Variants in TINAGL1 observed in about 807,000 individuals in gnomAD.
TINAGL1 encodes tubulointerstitial nephritis antigen like 1.
In TINAGL1, 34 loss-of-function variants were observed where a neutral mutation model predicts 62.0. The observed-to-expected ratio is 0.55, with a 90% CI of 0.42 to 0.73. The LOEUF (loss-of-function observed/expected upper bound fraction) is 0.73. Among genes scored for constraint, TINAGL1 ranks in the 30% least tolerant of loss-of-function variants. TINAGL1 has a pLI of 0.00. For missense variants in TINAGL1, 516 were observed against 653.2 expected, an observed-to-expected ratio of 0.79 and a Z score of 2.29; for synonymous variants, 221 against 249.7, an observed-to-expected ratio of 0.88 and a Z score of 1.08.
At position 31,584,947 on chromosome 1, in the gene TINAGL1, C is replaced by T; in HGVS notation, c.768C>T (p.Pro256=). The T allele has an allele frequency of 3.1e-6, 5 of 1,612,174 alleles. No individual in the cohort carries two copies. Among genetic ancestry groups the T allele is most frequent in the South Asian group, 1.1e-5 (1 of 91,044 alleles). Residue 256 remains proline, a synonymous_variant, in exon 7 of 12, where the codon CCC becomes CCT. Coordinates refer to ENST00000271064, the MANE Select transcript of TINAGL1 (RefSeq NM_022164.3). This position sits in a 1 kb window ranked among gnomAD's most constrained non-coding sequence, Gnocchi z 4.0. ...GACACATGACGCCTGTCCTGTCGCC[C>T]CAGAACCTGCTGTCTTGTGACACCC... The part of the protein sequence containing the change: ...SLGHMTPVLS[P]QNLLSCDTHQ...
chr1:31,586,616 G>A, intron 10 of TINAGL1, 94 bp from the exon 11 acceptor site: 1 of 1,468,698 alleles, frequency 6.8e-7, no homozygotes, highest in Non-Finnish European at 9.3e-7. Flanking sequence ...CCCTCCAAAG[G>A]CAACTGGGGG....
In TINAGL1 at chr1:31,584,936, G is replaced by A; in HGVS notation, c.757G>A (p.Val253Ile). ...SIHSLGHMTPVLSPQNLLSCD... is the reference protein window; with the variant it reads ...SIHSLGHMTPILSPQNLLSCD... ...CCATTCTCTGGGACACATGACGCCTGTCCTGTCGCCCCAGAACCTGCTGTC... is the reference window on the plus strand; with the variant it reads ...CCATTCTCTGGGACACATGACGCCTATCCTGTCGCCCCAGAACCTGCTGTC... The change falls in exon 7 of 12, where the codon GTC (valine) becomes ATC (isoleucine). Residue 253 changes from valine (V) to isoleucine (I), a missense_variant. Physicochemically the swap from Val to Ile is conservative, Grantham distance 29. Coordinates refer to ENST00000271064, the MANE Select transcript of TINAGL1 (RefSeq NM_022164.3). The surrounding 1 kb of genome is among the most constrained non-coding windows in gnomAD (Gnocchi z 4.0). The A allele has an allele frequency of 6.2e-7, 1 of 1,612,202 alleles. No individual in the cohort carries two copies. Among genetic ancestry groups the A allele is most frequent in the Non-Finnish European group, 8.5e-7 (1 of 1,178,352 alleles).
chr1:31,578,967 C>T (rs12750545), intron 2 of TINAGL1, among the ~76,000 whole-genome samples: 84,917 of 85,174 alleles, frequency 1, 42,333 homozygotes, highest in South Asian at 1. Context: ...GTGTGTGATG[C>T]CTTCAGTTAT....
At chr1:31,578,088 A>G (rs1639049879) in intron 2 of TINAGL1, 3 of 950,736 alleles carry the variant, frequency 3.2e-6, no homozygotes, top group Non-Finnish European at 3.8e-6. Context: ...GCCCTAACTT[A>G]TTTAAATGGA....
In TINAGL1 at chr1:31,585,012, C is replaced by T. The variant is rs1174067068; in HGVS notation, c.833C>T (p.Ala278Val). Residue 278 changes from alanine to valine, a missense_variant, in exon 7 of 12, where the codon GCC becomes GTC. Transcript: ENST00000271064. This position sits in a 1 kb window ranked among gnomAD's most constrained non-coding sequence, Gnocchi z 4.3. ...QGCRGGRLDG[A>V]WWFLRRRGVV... ...TGCCGCGGTGGGCGTCTCGATGGTG[C>T]CTGGTGGTTCCTGCGTCGCCGAGGG... The T allele has an allele frequency of 2.5e-6, 4 of 1,605,788 alleles. No homozygotes were observed. Among genetic ancestry groups the T allele is most frequent in the East Asian group, 2.2e-5 (1 of 44,698 alleles).
In TINAGL1 at chr1:31,585,670, T is replaced by C. The variant is rs895767301; in HGVS notation, c.1094-83T>C. 6.4e-7 allele frequency: 1 copy of C among 1,553,556 alleles called. No individual in the cohort carries two copies. The highest frequency in any genetic ancestry group is 8.7e-7 in the Non-Finnish European group (1 of 1,148,308). ...GAGCTTTGGTATGGAGGGACCCTGG[T>C]GCCTGGGCACATCTCAATAGACTCA... On this transcript the variant is annotated intron_variant, in intron 9 of 11. Coordinates refer to ENST00000271064, the MANE Select transcript of TINAGL1 (RefSeq NM_022164.3). This position sits in a 1 kb window ranked among gnomAD's most constrained non-coding sequence, Gnocchi z 4.3.
Position 31,585,820 on chromosome 1 carries a change from C to A in TINAGL1, c.1161C>A (p.Ser387Arg), listed in dbSNP as rs150290691. The change falls in exon 10 of 12, where the codon AGC becomes AGA. Residue 387 changes from serine to arginine, a missense_variant. By Grantham distance (110) the Ser-to-Arg change is moderately radical (BLOSUM62 -1). Transcript: ENST00000271064. The surrounding 1 kb of genome is among the most constrained non-coding windows in gnomAD (Gnocchi z 4.3). The part of the protein sequence containing the change: ...KGGIYSHTPV[S>R]LGRPERYRRH... ...GCATCTACAGCCACACGCCAGTGAG[C>A]CTTGGGAGGCCAGAGAGATACCGCC... 6.6e-5 allele frequency: 106 copies of A among 1,612,100 alleles called. No homozygotes were observed. The African/African-American group carries it at 1.3e-3, about 20-fold the overall frequency.
At chr1:31,586,497 T>A in intron 10 of TINAGL1, 1 of 621,566 alleles carries the variant, frequency 1.6e-6, no homozygotes, top group Non-Finnish European at 2.9e-6. Context: ...GTCCCCTTGG[T>A]GCCCCACCCC....
rs376868878 is a variant in TINAGL1 at position 31,583,625 on chromosome 1, C to G, written c.582+50C>G. The G allele has an allele frequency of 1.9e-5, 28 of 1,498,818 alleles. No homozygotes were observed. The African/African-American group carries it at 3.2e-4, about 17-fold the overall frequency. The allele number at this position is 1,498,818 out of a possible 1,614,324, so 92.8% of individuals were successfully genotyped here. ...CTGCCATCTCCCCATGGCTCAGAAC[C>G]TCAGGGATGCTGGCCCTGTGCCCTG... On this transcript the variant is annotated intron_variant, in intron 5 of 11. Coordinates refer to ENST00000271064, the MANE Select transcript of TINAGL1 (RefSeq NM_022164.3). This position sits in a 1 kb window ranked among gnomAD's most constrained non-coding sequence, Gnocchi z 4.4.
At position 31,583,509 on chromosome 1, in the gene TINAGL1, G is replaced by C; in HGVS notation, c.516G>C (p.Glu172Asp). ...CCTTCTGGGGCATGACCCTGGATGA[G>C]GGCATTCGCTACCGCCTGGGCACCA... is the stretch of plus-strand genomic sequence containing the variant. Reference protein sequence around the residue: ...HSAFWGMTLDEGIRYRLGTIR... With the variant: ...HSAFWGMTLDDGIRYRLGTIR... The change falls in exon 5 of 12, where the codon GAG becomes GAC. Residue 172 changes from glutamate (E) to aspartate (D), a missense_variant. By Grantham distance (45) the Glu-to-Asp change is conservative. Transcript: ENST00000271064. This position sits in a 1 kb window ranked among gnomAD's most constrained non-coding sequence, Gnocchi z 4.4. The C allele has an allele frequency of 1.2e-6, 2 of 1,614,042 alleles. No individual in the cohort carries two copies. Among genetic ancestry groups the C allele is most frequent in the Non-Finnish European group, 1.7e-6 (2 of 1,180,010 alleles).
chr1:31,583,265 C>T lies in TINAGL1; in HGVS notation c.467+24C>T. On this transcript the variant is annotated intron_variant, in intron 4 of 11. Coordinates refer to ENST00000271064, the MANE Select transcript of TINAGL1 (RefSeq NM_022164.3). This position sits in a 1 kb window ranked among gnomAD's most constrained non-coding sequence, Gnocchi z 4.4. Reference sequence around the variant, plus strand: ...GGGTGAGAGGCCCTAGAGGCACCCTCAGTGGGCACACATGCATACTCATGC... The same window carrying T: ...GGGTGAGAGGCCCTAGAGGCACCCTTAGTGGGCACACATGCATACTCATGC... 1 of 1,607,624 alleles carries T rather than the reference C, an allele frequency of 6.2e-7. No homozygotes were observed. Among genetic ancestry groups the T allele is most frequent in the Non-Finnish European group, 8.5e-7 (1 of 1,174,088 alleles).
At chr1:31,579,918 G>A (rs1639168827) in intron 3 of TINAGL1, 1 of 165,796 alleles carries the variant, frequency 6.0e-6, no homozygotes, top group African/African-American at 2.4e-5. Context: ...CTGGGACTAA[G>A]AGGCCCCAGA....
intron 2 of TINAGL1, chr1:31,578,176 C>T: frequency 1.0e-6 from 1 of 986,368 alleles, no homozygotes; most frequent in Non-Finnish European, 1.2e-6. Context: ...AAGAACTTCC[C>T]AAACAGCAGT....
rs1050952350 is a variant in TINAGL1 at position 31,577,595 on chromosome 1, G to T, written c.310+137G>T. 5.0e-6 allele frequency: 5 copies of T among 1,005,804 alleles called. No individual in the cohort carries two copies. In the Admixed American group the frequency reaches 1.2e-4, roughly 24 times the overall value. 62.3% of individuals were successfully genotyped at this position (1,005,804 alleles called of 1,614,324 possible). On this transcript the variant is annotated intron_variant, in intron 2 of 11. Coordinates refer to ENST00000271064, the MANE Select transcript of TINAGL1 (RefSeq NM_022164.3). The surrounding 1 kb of genome is among the most constrained non-coding windows in gnomAD (Gnocchi z 5.4). The stretch of plus-strand genomic sequence containing the variant: ...ATCTGGGACTCTTCCCTGCCCCTCT[G>T]GGAACTTTACTCTCCAGCAAGACTG...
intron 3 of TINAGL1, 98 bp downstream of exon 3, chr1:31,579,365 C>A (rs1018503894): frequency 9.5e-7 from 1 of 1,050,756 alleles, no homozygotes; most frequent in Non-Finnish European, 1.5e-6. Context: ...AGGGAGAAGT[C>A]TTTTCCCTTC....
At chr1:31,586,648 G>A (rs1639398739) in intron 10 of TINAGL1, 62 bp from the exon 11 acceptor site, 7 of 1,550,424 alleles carry the variant, frequency 4.5e-6, no homozygotes, top group Non-Finnish European at 6.1e-6. Context: ...AGGTTTCCGG[G>A]ATTGGAGCTC....
intron 3 of TINAGL1, among the ~76,000 whole-genome samples, chr1:31,581,864 A>T (rs1218407088): frequency 6.6e-6 from 1 of 152,228 alleles, no homozygotes; most frequent in African/African-American, 2.4e-5. Flanking sequence ...CAGAATCTGA[A>T]TTCCAGAACC....
At chr1:31,578,942 TATG>T (rs1557555896) in intron 2 of TINAGL1, among the ~76,000 whole-genome samples, 3,653 of 83,874 alleles carry the variant, frequency 0.044, 1,096 homozygotes, top group East Asian at 0.3. Context: ...TGAGAGCTGG[TATG>T]TGTGTGTGTG....
rs1639380889 is a variant in TINAGL1, at chr1:31,585,963, C to T, written c.1217+87C>T. ...CCTGCCTTGGGTTCTTACAACCTCT[C>T]TAAAAAGCCAGGACTGCTCTCATCA... On this transcript the variant is annotated intron_variant, in intron 10 of 11. Coordinates refer to ENST00000271064, the MANE Select transcript of TINAGL1 (RefSeq NM_022164.3). The surrounding 1 kb of genome is among the most constrained non-coding windows in gnomAD (Gnocchi z 4.3). 11 of 1,451,100 alleles carry T rather than the reference C, an allele frequency of 7.6e-6. No individual in the cohort carries two copies. The highest frequency in any genetic ancestry group is 1.4e-5 in the African/African-American group (1 of 70,104). 89.9% of individuals were successfully genotyped at this position (1,451,100 alleles called of 1,614,324 possible). A position where few individuals can be genotyped will look rare whatever the true frequency, so the allele number is the denominator to read the frequency against.
Sources: gnomAD v4.1 joint callset for allele counts (sites outside exome capture counted in the v4.1 genomes callset) on GRCh38, gnomAD v4.1.1 for gene constraint, Gnocchi (gnomAD v3.1) non-coding constraint, MANE v1.5 for transcripts, NCBI Gene and HGNC (gene_info 2026-07-23, HGNC 2026-07-21) for gene names.